Variants in APP observed in about 807,000 individuals in gnomAD.
The protein encoded by APP is amyloid beta precursor protein.
A neutral mutation model predicts 101.4 loss-of-function variants in APP; 31 were observed. That is an observed-to-expected ratio of 0.31 (90% confidence interval 0.23 to 0.41). The LOEUF (loss-of-function observed/expected upper bound fraction) is 0.41, where lower values mean the gene tolerates loss of function less well. APP is among the 10% of genes least tolerant of loss of function. The pLI is 1.00. For missense variants in APP, 839 were observed against 1,003.7 expected (o/e 0.84, Z 2.22); for synonymous variants, 366 against 364.4 (o/e 1.00, Z -0.05).
intron 13 of APP, among the ~76,000 whole-genome samples, chr21:25,916,544 T>C (rs998179379): frequency 6.6e-6 from 1 of 152,180 alleles, no homozygotes; most frequent in Non-Finnish European, 1.5e-5. Flanking sequence ...TTGACTTCCA[T>C]GGTGAGACTA....
chr21:26,158,815 T>C (rs2063427057), intron 1 of APP, among the ~76,000 whole-genome samples: 1 of 152,222 alleles, frequency 6.6e-6, no homozygotes, highest in African/African-American at 2.4e-5. Flanking sequence ...TGAAACCTAG[T>C]TCAAATTCTG....
chr21:25,975,292 T>C (rs2042184538), intron 10 of APP, 64 bp from the exon 11 acceptor site: 1 of 1,606,376 alleles, frequency 6.2e-7, no homozygotes, highest in Non-Finnish European at 8.5e-7. Context: ...CAATTTCAAG[T>C]CTTCTAAAAA....
At position 26,111,970 on chromosome 21, in the gene APP, A is replaced by C; in HGVS notation, c.225+9T>G. 1.9e-6 allele frequency: 3 copies of C among 1,614,054 alleles called. No individual in the cohort carries two copies. The highest frequency in any genetic ancestry group is 2.5e-6 in the Non-Finnish European group (3 of 1,179,952). On this transcript the variant is annotated intron_variant, in intron 2 of 17. Coordinates refer to ENST00000346798, the MANE Select transcript of APP (RefSeq NM_000484.4). ...CAACGTGAATTGCTAGCCACCGGAC[A>C]GGACTTACTTCTTGGCAATACTGCA... is the stretch of plus-strand genomic sequence containing the variant.
chr21:25,975,695 G>T (rs2042199007), intron 10 of APP, among the ~76,000 whole-genome samples: 1 of 152,168 alleles, frequency 6.6e-6, no homozygotes, highest in South Asian at 2.1e-4. Flanking sequence ...TGACTGAAAA[G>T]ATGTATTATT....
intron 3 of APP, among the ~76,000 whole-genome samples, chr21:26,073,634 C>G (rs1466920320): frequency 6.6e-6 from 1 of 151,950 alleles, no homozygotes; most frequent in Non-Finnish European, 1.5e-5. Flanking sequence ...TCAGGGAGCT[C>G]TAAAGAAGAG....
rs545633764 is a variant in APP at position 25,992,448 on chromosome 21, CAT to C, written c.1090+4910_1090+4911del. On this transcript the variant is annotated intron_variant, in intron 8 of 17. Transcript: ENST00000346798. ...ACTTTTGTATAAGGTGTACATGAAA[CAT>C]AAATGAATTTCATGTTATTTCATCA... 2.5e-3 allele frequency among the ~76,000 whole-genome samples: 377 copies of C among 152,016 alleles called. 2 individuals carry two copies. Among genetic ancestry groups the C allele is most frequent in the African/African-American group, 8.9e-3 (368 of 41,500 alleles).
At chr21:26,021,176 T>G (rs998820902) in intron 6 of APP, among the ~76,000 whole-genome samples, 1 of 150,430 alleles carries the variant, frequency 6.6e-6, no homozygotes, top group East Asian at 2.0e-4. Context: ...GCCTCCCAAA[T>G]AGCTGGGATT....
intron 17 of APP, among the ~76,000 whole-genome samples, chr21:25,888,965 C>G (rs957232209): frequency 6.6e-6 from 1 of 152,184 alleles, no homozygotes; most frequent in Non-Finnish European, 1.5e-5. Context: ...ATTTTCAACA[C>G]TCAGATTCGC....
At chr21:25,950,253 A>C (rs1310173919) in intron 13 of APP, among the ~76,000 whole-genome samples, 1 of 152,184 alleles carries the variant, frequency 6.6e-6, no homozygotes, top group Non-Finnish European at 1.5e-5. Context: ...GTTGTCACTC[A>C]AATGCCAGCT....
intron 17 of APP, among the ~76,000 whole-genome samples, chr21:25,882,858 A>G (rs896251384): frequency 6.6e-6 from 1 of 152,168 alleles, no homozygotes; most frequent in Non-Finnish European, 1.5e-5. Flanking sequence ...CTGCTCATTC[A>G]TCTCTGGGAG....
chr21:26,011,568 C>T (rs2043808157), intron 6 of APP, among the ~76,000 whole-genome samples: 1 of 152,090 alleles, frequency 6.6e-6, no homozygotes, highest in Admixed American at 6.6e-5. Flanking sequence ...GGACAATCAT[C>T]CGCAACAATT....
chr21:26,152,199 G>C (rs1484328009), intron 1 of APP, among the ~76,000 whole-genome samples: 1 of 145,470 alleles, frequency 6.9e-6, no homozygotes, highest in Non-Finnish European at 1.5e-5. Flanking sequence ...GCGGGAGAAT[G>C]GCGTGAACCC....
chr21:25,887,065 G>C (rs2037374243), intron 17 of APP, among the ~76,000 whole-genome samples: 1 of 152,100 alleles, frequency 6.6e-6, no homozygotes, highest in Non-Finnish European at 1.5e-5. Flanking sequence ...GTGTTCAAGT[G>C]ATCAGATCTG....
chr21:25,968,975 C>T (rs2041900643), intron 11 of APP, among the ~76,000 whole-genome samples: 1 of 152,088 alleles, frequency 6.6e-6, no homozygotes, highest in African/African-American at 2.4e-5. Flanking sequence ...TTATGTATGA[C>T]TCCTATTACA....
At chr21:25,888,921 C>T (rs2037515428) in intron 17 of APP, among the ~76,000 whole-genome samples, 1 of 152,218 alleles carries the variant, frequency 6.6e-6, no homozygotes, top group Admixed American at 6.5e-5. Context: ...CAGGGATTCT[C>T]AAATCCGACT....
intron 3 of APP, among the ~76,000 whole-genome samples, chr21:26,075,721 G>A (rs1011787770): frequency 1.3e-5 from 2 of 152,088 alleles, no homozygotes; most frequent in African/African-American, 4.8e-5. Context: ...TCTGGACATC[G>A]AATAAGAGAA....
intron 17 of APP, 92 bp from the exon 18 acceptor site, chr21:25,881,863 CTCTTCT>C (rs1339396555): frequency 2.3e-6 from 3 of 1,298,398 alleles, no homozygotes; most frequent in Non-Finnish European, 3.3e-6. Context: ...GAGTACAGTA[CTCTTCT>C]TTTGCCAAGA....
At chr21:26,153,087 AAGTT>A (rs1181934745) in intron 1 of APP, among the ~76,000 whole-genome samples, 5 of 152,334 alleles carry the variant, frequency 3.3e-5, no homozygotes, top group Admixed American at 2.6e-4. Context: ...AGTGGGAACT[AAGTT>A]AGGAATAAGC....
rs115598206 is a variant in APP at position 26,106,842 on chromosome 21, T to C, written c.225+5137A>G. On this transcript the variant is annotated intron_variant, in intron 2 of 17. Transcript: ENST00000346798. ...CCAGGAGTCCACAGCTGACTCACCATTGACCCACGTTGTTTTTCCTGCAAT... is the reference window on the plus strand; with the variant it reads ...CCAGGAGTCCACAGCTGACTCACCACTGACCCACGTTGTTTTTCCTGCAAT... 3.2e-3 allele frequency among the ~76,000 whole-genome samples: 491 copies of C among 152,346 alleles called. 6 individuals are homozygous for C. The highest frequency in any genetic ancestry group is 0.011 in the African/African-American group (443 of 41,572).
Sources: gnomAD v4.1 joint callset for allele counts (sites outside exome capture counted in the v4.1 genomes callset) on GRCh38, gnomAD v4.1.1 for gene constraint, MANE v1.5 for transcripts, NCBI Gene and HGNC (gene_info 2026-07-23, HGNC 2026-07-21) for gene names.